Variants in PSD3 observed in about 807,000 individuals in gnomAD.
PSD3 encodes pleckstrin and Sec7 domain containing 3, also known as PH and SEC7 domain-containing protein 3.
A neutral mutation model predicts 105.5 loss-of-function variants in PSD3; 49 were observed. The observed-to-expected ratio is 0.46, with a 90% CI of 0.37 to 0.59. The LOEUF is 0.59. Ranked by LOEUF, PSD3 falls within the 20% of genes least tolerant of loss-of-function variation. PSD3 has a pLI of 0.00. For synonymous variants in PSD3, 557 were observed against 457.8 expected, an observed-to-expected ratio of 1.22 and a Z score of -2.77; for missense variants, 1,561 against 1,263.8, an observed-to-expected ratio of 1.24 and a Z score of -3.57.
intron 4 of PSD3, among the ~76,000 whole-genome samples, chr8:18,807,719 C>T (rs538140017): frequency 1.4e-4 from 21 of 152,126 alleles, no homozygotes; most frequent in Non-Finnish European, 2.1e-4. Context: ...ACATGCCTAC[C>T]AGTTAAAATA....
intron 4 of PSD3, among the ~76,000 whole-genome samples, chr8:18,834,666 C>T (rs1279323635): frequency 6.6e-6 from 1 of 152,062 alleles, no homozygotes; most frequent in Non-Finnish European, 1.5e-5. Flanking sequence ...AAAGTAGGGG[C>T]TGAACTAAGT....
Position 18,908,608 on chromosome 8 carries a change from T to G in PSD3, c.130+27426A>C, listed in dbSNP as rs561850888. On this transcript the variant is annotated intron_variant, in intron 2 of 15. Transcript: ENST00000327040. ...TCCTGATCATCTCAAACAGTCTGTC[T>G]CCTTATGAAAGCACGTCTGTCTCTG... 2.1e-4 allele frequency among the ~76,000 whole-genome samples: 32 copies of G among 152,306 alleles called. No individual in the cohort carries two copies. The East Asian group carries it at 4.4e-3, about 21-fold the overall frequency.
intron 9 of PSD3, among the ~76,000 whole-genome samples, chr8:18,694,354 T>G (rs1843967): frequency 0.92 from 139,545 of 152,298 alleles, 64,440 homozygotes; most frequent in Middle Eastern, 0.97. Flanking sequence ...CGCACGTCTG[T>G]AATCCCAGCA....
At chr8:18,734,404 A>C (rs1457881808) in intron 9 of PSD3, 1 of 152,200 alleles carries the variant, frequency 6.6e-6, no homozygotes, top group African/African-American at 2.4e-5. Flanking sequence ...TCCCAAGTAA[A>C]AGTCCTTTTT....
rs975920661 is a variant in PSD3 at position 18,531,182 on chromosome 8, A to G, written c.*4561T>C. 2.0e-5 allele frequency: 3 copies of G among 152,674 alleles called. No individual in the cohort carries two copies. Among genetic ancestry groups the G allele is most frequent in the African/African-American group, 7.2e-5 (3 of 41,458 alleles). The allele number at this position is 152,674 out of a possible 1,614,324, so 9.5% of individuals were successfully genotyped here. A position where few individuals can be genotyped will look rare whatever the true frequency, so the allele number is the denominator to read the frequency against. On this transcript the variant is annotated 3_prime_UTR_variant, in exon 16 of 16. Transcript: ENST00000327040. ...TACACACACAAATTACAAAGGATGA[A>G]CCGAAGAGACTTAAGAAAACCTACT...
intron 1 of PSD3, among the ~76,000 whole-genome samples, chr8:18,985,659 C>G (rs1825463867): frequency 6.6e-6 from 1 of 152,114 alleles, no homozygotes; most frequent in Non-Finnish European, 1.5e-5. Flanking sequence ...GTTAAACATA[C>G]TCCTAAAAAT....
intron 1 of PSD3, among the ~76,000 whole-genome samples, chr8:18,967,206 A>T (rs1021527139): frequency 1.3e-5 from 2 of 149,622 alleles, no homozygotes; most frequent in Admixed American, 6.7e-5. Flanking sequence ...CCCAGGCTGG[A>T]GTGCAATGGC....
chr8:18,735,053 C>T (rs1804047221), intron 9 of PSD3, among the ~76,000 whole-genome samples: 1 of 152,182 alleles, frequency 6.6e-6, no homozygotes, highest in African/African-American at 2.4e-5. Flanking sequence ...CCACTCATGC[C>T]TTAGCATACA....
chr8:18,986,470 G>A (rs754491351), intron 1 of PSD3, among the ~76,000 whole-genome samples: 5 of 150,984 alleles, frequency 3.3e-5, no homozygotes, highest in Non-Finnish European at 7.4e-5. Context: ...AAGGATCAGG[G>A]AATTCAGTAA....
At position 18,867,800 on chromosome 8, in the gene PSD3, TCCTGATGTCCTCCC is replaced by T; in HGVS notation, c.1494_1507del (p.Gly499TyrfsTer16). 6.2e-7 allele frequency: 1 copy of T among 1,614,094 alleles called. No homozygotes were observed. Among genetic ancestry groups the T allele is most frequent in the Non-Finnish European group, 8.5e-7 (1 of 1,180,010 alleles). ...ACCATCTGCAGACACACTCAGGATA[TCCTGATGTCCTCCC>T]CCTGATGTCCTCTCCAAGAACTGAC... On this transcript the variant is annotated frameshift_variant, in exon 4 of 16. Coordinates refer to ENST00000327040, the MANE Select transcript of PSD3 (RefSeq NM_015310.4). LOFTEE classifies it high-confidence loss of function.
chr8:18,928,701 T>C (rs755629551), intron 2 of PSD3, among the ~76,000 whole-genome samples: 27 of 152,104 alleles, frequency 1.8e-4, no homozygotes, highest in Non-Finnish European at 2.9e-4. Flanking sequence ...TCTTTTTATC[T>C]TTCTCTTTTT....
chr8:18,640,549 C>A (rs1807569900), intron 10 of PSD3, among the ~76,000 whole-genome samples: 2 of 152,132 alleles, frequency 1.3e-5, no homozygotes, highest in African/African-American at 4.8e-5. Context: ...TCATTCTTCT[C>A]CTTCCTGCCA....
At chr8:18,603,093 T>G (rs1187767329) in intron 11 of PSD3, among the ~76,000 whole-genome samples, 4 of 152,228 alleles carry the variant, frequency 2.6e-5, no homozygotes, top group Non-Finnish European at 4.4e-5. Flanking sequence ...AATATCCAGG[T>G]ATCTTCCGTG....
intron 9 of PSD3, among the ~76,000 whole-genome samples, chr8:18,728,462 G>A (rs1412865544): frequency 1.3e-5 from 2 of 152,196 alleles, no homozygotes; most frequent in African/African-American, 4.8e-5. Context: ...CTTGAAGGGT[G>A]AGTATGAGTT....
rs561349942 is a variant in PSD3 at position 18,882,970 on chromosome 8, G to A, written c.131-10237C>T. Among the ~76,000 whole-genome samples, 9 of 152,014 alleles carry A rather than the reference G, an allele frequency of 5.9e-5. No homozygotes were observed. The South Asian group carries it at 1.7e-3, about 28-fold the overall frequency. On this transcript the variant is annotated intron_variant, in intron 2 of 15. Transcript: ENST00000327040. ...CTGTCTATACACAGAGAACATTTCCGTCATCACAGAAAGCTCTATTTGAAA... is the reference window on the plus strand; with the variant it reads ...CTGTCTATACACAGAGAACATTTCCATCATCACAGAAAGCTCTATTTGAAA...
In PSD3 at chr8:19,003,625, TAA is replaced by T. The variant is rs1238825646; in HGVS notation, c.21+9936_21+9937del. Among the ~76,000 whole-genome samples, 3 of 151,864 alleles carry T rather than the reference TAA, an allele frequency of 2.0e-5. 1 individual carries two copies. The highest frequency in any genetic ancestry group is 2.9e-5 in the Non-Finnish European group (2 of 67,948). On this transcript the variant is annotated intron_variant, in intron 1 of 15. Coordinates refer to ENST00000327040, the MANE Select transcript of PSD3 (RefSeq NM_015310.4). The stretch of plus-strand genomic sequence containing the variant: ...ATGGTAAGAAAATATGAGCACATTT[TAA>T]AAGAGGAGGGAAGAAGGAGGGAGGA...
chr8:18,689,530 G>A (rs538764873), intron 9 of PSD3, among the ~76,000 whole-genome samples: 1 of 152,192 alleles, frequency 6.6e-6, no homozygotes, highest in Non-Finnish European at 1.5e-5. Context: ...AAGGACTGGG[G>A]AGGGAAGAGA....
chr8:18,741,692 G>C (rs1344464561), intron 9 of PSD3, among the ~76,000 whole-genome samples: 1 of 151,026 alleles, frequency 6.6e-6, no homozygotes, highest in Non-Finnish European at 1.5e-5. Context: ...CGTCCTATCA[G>C]CGGCATGCTG....
intron 4 of PSD3, among the ~76,000 whole-genome samples, chr8:18,857,766 C>T (rs1232521459): frequency 6.6e-6 from 1 of 152,142 alleles, no homozygotes; most frequent in Non-Finnish European, 1.5e-5. Context: ...TTCTAATAAG[C>T]TCCCAAGTGA....
Sources: gnomAD v4.1 joint callset for allele counts (sites outside exome capture counted in the v4.1 genomes callset) on GRCh38, gnomAD v4.1.1 for gene constraint, MANE v1.5 for transcripts, NCBI Gene and HGNC (gene_info 2026-07-23, HGNC 2026-07-21) for gene names.